NCOA1: variants seen among roughly 807,000 people sequenced by gnomAD.
NCOA1 encodes Hin-2 protein.
Under a neutral mutation model 150.9 loss-of-function variants are expected in NCOA1, and 35 were observed. The observed-to-expected ratio is 0.23, with a 90% CI of 0.18 to 0.31. The LOEUF (loss-of-function observed/expected upper bound fraction) is 0.31. Ranked by LOEUF, NCOA1 falls within the 10% of genes least tolerant of loss-of-function variation. The pLI is 1.00. For missense variants in NCOA1, 1,491 were observed against 1,749.3 expected (o/e 0.85, Z 2.63); for synonymous variants, 590 against 630.0 (o/e 0.94, Z 0.95).
chr2:24,657,129 C>T (rs771978713), intron 4 of NCOA1, among the ~76,000 whole-genome samples: 6 of 152,156 alleles, frequency 3.9e-5, no homozygotes, highest in Non-Finnish European at 7.4e-5. Flanking sequence ...CTTCCCGGCA[C>T]GGAAGCCCAT....
At position 24,769,082 on chromosome 2, in the gene NCOA1, G is replaced by T. The variant is rs1485010903; in HGVS notation, c.*691G>T. 4 of 213,940 alleles carry T rather than the reference G, an allele frequency of 1.9e-5. No individual in the cohort carries two copies. In the East Asian group the frequency reaches 2.1e-4, roughly 11 times the overall value. 13.3% of individuals were successfully genotyped at this position (213,940 alleles called of 1,614,324 possible). ...TTTGGGGGAAAATGCAATAATTTTT[G>T]ATGAGATGGGTGAAGGACAAGAAGT... On this transcript the variant is annotated 3_prime_UTR_variant, in exon 23 of 23. Coordinates refer to ENST00000348332, the MANE Select transcript of NCOA1 (RefSeq NM_003743.5).
chr2:24,612,676 T>C (rs1558838803), intron 3 of NCOA1, among the ~76,000 whole-genome samples: 2 of 152,134 alleles, frequency 1.3e-5, no homozygotes, highest in Non-Finnish European at 2.9e-5. Flanking sequence ...CTTGGTCCAG[T>C]CTATTGATAA....
At chr2:24,754,414 C>T (rs554995287) in intron 20 of NCOA1, among the ~76,000 whole-genome samples, 8 of 152,300 alleles carry the variant, frequency 5.3e-5, no homozygotes, top group Admixed American at 2.0e-4. Flanking sequence ...ACAATGGCTT[C>T]CTTTTATCCT....
chr2:24,591,967 A>G (rs751648604), intron 3 of NCOA1, among the ~76,000 whole-genome samples: 9 of 152,086 alleles, frequency 5.9e-5, no homozygotes, highest in Non-Finnish European at 1.0e-4. Flanking sequence ...CATTAACACA[A>G]TTTGCAATCA....
intron 3 of NCOA1, among the ~76,000 whole-genome samples, chr2:24,609,710 C>G (rs1267113913): frequency 2.0e-5 from 3 of 146,876 alleles, no homozygotes; most frequent in Admixed American, 2.0e-4. Context: ...TCAATTTGTG[C>G]TTTTATATTT....
At chr2:24,500,917 T>C (rs1374138869) in intron 1 of NCOA1, among the ~76,000 whole-genome samples, 1 of 152,208 alleles carries the variant, frequency 6.6e-6, no homozygotes, top group Non-Finnish European at 1.5e-5. Flanking sequence ...TTTCCTGTTA[T>C]GGAATTTAAT....
At chr2:24,617,371 C>T (rs1444214244) in intron 3 of NCOA1, among the ~76,000 whole-genome samples, 2 of 152,048 alleles carry the variant, frequency 1.3e-5, no homozygotes, top group Admixed American at 1.3e-4. Context: ...GCTGGTTTTC[C>T]TTTTACCTCT....
chr2:24,510,239 T>C (rs1403455505), intron 1 of NCOA1, among the ~76,000 whole-genome samples: 1 of 152,192 alleles, frequency 6.6e-6, no homozygotes, highest in African/African-American at 2.4e-5. Context: ...TTAGTAGAGA[T>C]GGGGTTTCAC....
intron 11 of NCOA1, among the ~76,000 whole-genome samples, chr2:24,704,320 G>A (rs890111103): frequency 6.6e-6 from 1 of 151,942 alleles, no homozygotes; most frequent in Non-Finnish European, 1.5e-5. Context: ...TAAATTTTAT[G>A]GTGTGTCAGT....
At chr2:24,522,030 A>G (rs911137415) in intron 1 of NCOA1, among the ~76,000 whole-genome samples, 4 of 151,984 alleles carry the variant, frequency 2.6e-5, no homozygotes, top group African/African-American at 9.7e-5. Flanking sequence ...AACATAACAT[A>G]TAATTATATA....
intron 3 of NCOA1, among the ~76,000 whole-genome samples, chr2:24,622,174 A>ACTGTTGTTTTTTTT (rs1253888333): frequency 6.6e-6 from 1 of 152,156 alleles, no homozygotes; most frequent in Admixed American, 6.5e-5. Flanking sequence ...CTAAATAAGA[A>ACTGTTGTTTTTTTT]CTGTTGTTTT....
intron 3 of NCOA1, among the ~76,000 whole-genome samples, chr2:24,619,543 G>C (rs1164660313): frequency 2.6e-5 from 4 of 152,162 alleles, no homozygotes; most frequent in Non-Finnish European, 4.4e-5. Context: ...ACAGTTAATG[G>C]ATCAAAGGGG....
intron 3 of NCOA1, among the ~76,000 whole-genome samples, chr2:24,601,822 G>A (rs1177082891): frequency 6.6e-6 from 1 of 151,796 alleles, no homozygotes; most frequent in African/African-American, 2.4e-5. Flanking sequence ...TTTTAGTAGA[G>A]ACAGGGTTTC....
chr2:24,757,455 A>T (rs1459361443), intron 20 of NCOA1, among the ~76,000 whole-genome samples: 1 of 152,170 alleles, frequency 6.6e-6, no homozygotes, highest in East Asian at 1.9e-4. Flanking sequence ...ATTAATAGAG[A>T]TGAGAAATAA....
intron 6 of NCOA1, among the ~76,000 whole-genome samples, chr2:24,669,411 A>G (rs1291623454): frequency 6.6e-6 from 1 of 152,158 alleles, no homozygotes; most frequent in Non-Finnish European, 1.5e-5. Flanking sequence ...TCCATTACAG[A>G]TAAGACCCAG....
intron 7 of NCOA1, among the ~76,000 whole-genome samples, chr2:24,674,111 A>G (rs919769538): frequency 8.6e-5 from 11 of 127,568 alleles, no homozygotes; most frequent in Non-Finnish European, 1.8e-4. Flanking sequence ...ATGTTTAAAG[A>G]CATATGTATG....
At chr2:24,605,051 AT>A (rs1668298373) in intron 3 of NCOA1, among the ~76,000 whole-genome samples, 1 of 152,178 alleles carries the variant, frequency 6.6e-6, no homozygotes, top group Admixed American at 6.5e-5. Context: ...GAACATACAC[AT>A]TTGTTGATTA....
intron 3 of NCOA1, among the ~76,000 whole-genome samples, chr2:24,641,798 T>G (rs1161442838): frequency 2.6e-5 from 4 of 152,152 alleles, no homozygotes; most frequent in Non-Finnish European, 5.9e-5. Context: ...TGTCTTAATT[T>G]TTTTTTAGCG....
rs558148199 is a variant in NCOA1 at position 24,674,576 on chromosome 2, G to A, written c.354+1113G>A. The stretch of plus-strand genomic sequence containing the variant: ...AATGAAGGTACTAGAAGAAATTTTC[G>A]CACATCTAATGAGAGGGTAATATTA... On this transcript the variant is annotated intron_variant, in intron 7 of 22. Transcript: ENST00000348332. 1.6e-4 allele frequency among the ~76,000 whole-genome samples: 25 copies of A among 152,080 alleles called. No homozygotes were observed. The South Asian group carries it at 2.7e-3, about 16-fold the overall frequency.
Sources: gnomAD v4.1 joint callset for allele counts (sites outside exome capture counted in the v4.1 genomes callset) on GRCh38, gnomAD v4.1.1 for gene constraint, MANE v1.5 for transcripts, NCBI Gene and HGNC (gene_info 2026-07-23, HGNC 2026-07-21) for gene names.